ZDHHC21: variants seen among roughly 807,000 people sequenced by gnomAD.
ZDHHC21 encodes the protein palmitoyltransferase ZDHHC21.
In ZDHHC21, 15 loss-of-function variants were observed where a neutral mutation model predicts 34.6. The ratio of observed to expected loss-of-function variants is 0.43; its 90% CI spans 0.29 to 0.67. The LOEUF is 0.67. Among genes scored for constraint, ZDHHC21 ranks in the 30% least tolerant of loss-of-function variants. ZDHHC21 has a pLI of 0.14. For missense variants in ZDHHC21, 344 were observed against 327.7 expected, an observed-to-expected ratio of 1.05 and a Z score of -0.38; for synonymous variants, 142 against 101.8, an observed-to-expected ratio of 1.40 and a Z score of -2.38.
At chr9:14,607,788 A>C (rs1284766276), downstream of ZDHHC21, among the ~76,000 whole-genome samples, 1 of 152,068 alleles carries the variant, frequency 6.6e-6, no homozygotes, top group Non-Finnish European at 1.5e-5. Context: ...GAAAAAGAAG[A>C]CTCTACAGGG....
rs1249832071 is a variant in ZDHHC21, at chr9:14,680,033, C to T, written c.-46G>A. On this transcript the variant is annotated splice_region_variant and 5_prime_UTR_variant, in exon 3 of 10. Transcript: ENST00000380916. ...CATGTAAAATCAAAAGCAAACTTACCACTTGCAAATTCACTGAGATGTGCT... is the reference window on the plus strand; with the variant it reads ...CATGTAAAATCAAAAGCAAACTTACTACTTGCAAATTCACTGAGATGTGCT... 6.6e-6 allele frequency: 1 copy of T among 152,410 alleles called. No homozygotes were observed. The highest frequency in any genetic ancestry group is 1.5e-5 in the Non-Finnish European group (1 of 67,950). 9.4% of individuals were successfully genotyped at this position (152,410 alleles called of 1,614,324 possible).
chr9:14,662,397 TA>T, intron 5 of ZDHHC21, 71 bp from the exon 6 acceptor site: 1 of 1,161,854 alleles, frequency 8.6e-7, no homozygotes, highest in Non-Finnish European at 1.2e-6. Flanking sequence ...AACAGTTGTT[TA>T]GAAGATTTTA....
rs1470235525 is a variant in ZDHHC21, at chr9:14,674,317, A to C, written c.24T>G (p.Val8=). 1 of 1,595,924 alleles carries C rather than the reference A, an allele frequency of 6.3e-7. No individual in the cohort carries two copies. The part of the protein sequence containing the change: MGLRIHF[V]VDPHGWCCMG... The stretch of plus-strand genomic sequence containing the variant: ...TGCAGCACCAACCATGTGGGTCAAC[A>C]ACAAAGTGAATCCGGAGACCCATTT... The change falls in exon 4 of 10, where the codon GTT becomes GTG. Residue 8 remains valine, a synonymous_variant. Transcript: ENST00000380916.
At position 14,615,275 on chromosome 9, in the gene ZDHHC21, G is replaced by A. The variant is rs890734141; in HGVS notation, c.*3691C>T. The A allele has an allele frequency of 6.6e-6, 1 of 151,650 alleles. No homozygotes were observed. Among genetic ancestry groups the A allele is most frequent in the Admixed American group, 6.6e-5 (1 of 15,196 alleles). 9.4% of individuals were successfully genotyped at this position (151,650 alleles called of 1,614,324 possible). On this transcript the variant is annotated 3_prime_UTR_variant, in exon 10 of 10. Transcript: ENST00000380916. ...ACCCACTAGTTACTTGTATGGGAGT[G>A]ACTTGAATGTGTAACAAAGAATAGT...
At chr9:14,640,376 C>T (rs1483512863) in intron 7 of ZDHHC21, among the ~76,000 whole-genome samples, 2 of 148,798 alleles carry the variant, frequency 1.3e-5, no homozygotes, top group Non-Finnish European at 3.0e-5. Flanking sequence ...GATGGTTGTA[C>T]AATCTTTGGT....
At chr9:14,623,398 A>G (rs779840073) in intron 8 of ZDHHC21, among the ~76,000 whole-genome samples, 6 of 151,918 alleles carry the variant, frequency 3.9e-5, no homozygotes, top group Non-Finnish European at 8.8e-5. Flanking sequence ...GCATGGTGGC[A>G]TGTGCCTGTA....
chr9:14,607,171 G>A (rs1823039158), downstream of ZDHHC21, among the ~76,000 whole-genome samples: 1 of 151,298 alleles, frequency 6.6e-6, no homozygotes, highest in Admixed American at 6.6e-5. Flanking sequence ...AGAAGAGGGT[G>A]GGCATGGTGG....
At chr9:14,645,149 G>A (rs1025053784) in intron 7 of ZDHHC21, among the ~76,000 whole-genome samples, 4 of 151,924 alleles carry the variant, frequency 2.6e-5, no homozygotes, top group African/African-American at 4.8e-5. Context: ...ATTTCCATAG[G>A]AGGAAAATGG....
At chr9:14,656,373 T>C (rs1024480199) in intron 7 of ZDHHC21, among the ~76,000 whole-genome samples, 2 of 151,944 alleles carry the variant, frequency 1.3e-5, no homozygotes, top group African/African-American at 4.8e-5. Flanking sequence ...TTTCTTACAA[T>C]GGGAAATACT....
rs928931800 is a variant in ZDHHC21, at chr9:14,614,965, T to C, written c.*4001A>G. The C allele has an allele frequency of 2.0e-5, 3 of 151,720 alleles. No homozygotes were observed. In the Admixed American group the frequency reaches 2.0e-4, roughly 10 times the overall value. The allele number at this position is 151,720 out of a possible 1,614,324, so 9.4% of individuals were successfully genotyped here. On this transcript the variant is annotated 3_prime_UTR_variant, in exon 10 of 10. Coordinates refer to ENST00000380916, the MANE Select transcript of ZDHHC21 (RefSeq NM_178566.6). ...CTTGGTAAACTTGAGCTAAGTAATC[T>C]ATTGATACAGGAAGCGCAAGAGAAG...
intron 5 of ZDHHC21, among the ~76,000 whole-genome samples, chr9:14,664,770 G>C (rs889855733): frequency 3.7e-4 from 56 of 151,886 alleles, no homozygotes; most frequent in South Asian, 6.3e-4. Flanking sequence ...TATTCCAACA[G>C]ACCTGCAGCT....
rs1159744465 is a variant in ZDHHC21 at position 14,688,072 on chromosome 9, AT to A, written c.-176+2264del. ...GCTCTCATTGCCAATTAGGAATTCA[AT>A]TTTTTAAATATCACATAGATATTCA... On this transcript the variant is annotated intron_variant, in intron 2 of 9. Transcript: ENST00000380916. Among the ~76,000 whole-genome samples, 15 of 150,512 alleles carry A rather than the reference AT, an allele frequency of 1.0e-4. 2 individuals are homozygous for A. The highest frequency in any genetic ancestry group is 3.3e-4 in the African/African-American group (13 of 39,864).
rs894082023 is a variant in ZDHHC21 at position 14,618,664 on chromosome 9, AAATT to A, written c.*298_*301del. 1.8e-5 allele frequency: 4 copies of A among 223,646 alleles called. No homozygotes were observed. Among genetic ancestry groups the A allele is most frequent in the Non-Finnish European group, 3.5e-5 (4 of 115,628 alleles). 13.9% of individuals were successfully genotyped at this position (223,646 alleles called of 1,614,324 possible). Reference sequence around the variant, plus strand: ...TCTGTAACACTGTCAGTACTAAAATAAATTATGTACAATTATTTCATCCTAATCA... The same window carrying A: ...TCTGTAACACTGTCAGTACTAAAATAATGTACAATTATTTCATCCTAATCA... On this transcript the variant is annotated 3_prime_UTR_variant, in exon 10 of 10. Transcript: ENST00000380916.
chr9:14,673,746 T>C (rs12338477), intron 4 of ZDHHC21, among the ~76,000 whole-genome samples: 1,593 of 152,138 alleles, frequency 0.01, 33 homozygotes, highest in African/African-American at 0.036. Context: ...CCATCACCAA[T>C]TGACTAATAA....
intron 2 of ZDHHC21, among the ~76,000 whole-genome samples, chr9:14,685,720 T>A (rs1048535963): frequency 6.6e-6 from 1 of 152,158 alleles, no homozygotes; most frequent in African/African-American, 2.4e-5. Context: ...ACCCAAAGGA[T>A]TACAAATCAT....
At chr9:14,605,151 A>G in the ZDHHC21 span, among the ~76,000 whole-genome samples, 1 of 151,980 alleles carries the variant, frequency 6.6e-6, no homozygotes, top group Admixed American at 6.6e-5. Context: ...GCTATTATGA[A>G]TACTGCATTA....
At chr9:14,646,866 C>T (rs1368735635) in intron 7 of ZDHHC21, among the ~76,000 whole-genome samples, 1 of 151,990 alleles carries the variant, frequency 6.6e-6, no homozygotes, top group African/African-American at 2.4e-5. Context: ...TGTTTTGTCT[C>T]TCTTAGCAGT....
chr9:14,691,205 A>G (rs1043296116), intron 1 of ZDHHC21, among the ~76,000 whole-genome samples: 3 of 152,132 alleles, frequency 2.0e-5, no homozygotes, highest in Non-Finnish European at 4.4e-5. Flanking sequence ...CTAAACCACT[A>G]TATAATAAGA....
rs991804057 is a variant in ZDHHC21, at chr9:14,633,314, G to A, written c.621+6582C>T. Among the ~76,000 whole-genome samples the A allele has an allele frequency of 2.0e-5, 3 of 152,282 alleles. No homozygotes were observed. The East Asian group carries it at 5.8e-4, about 29-fold the overall frequency. On this transcript the variant is annotated intron_variant, in intron 8 of 9. Coordinates refer to ENST00000380916, the MANE Select transcript of ZDHHC21 (RefSeq NM_178566.6). ...GTTAGTCAAAATTGGCTGGGGACAT[G>A]GAGAGGCTCCCCAGTGCAGGAAAAG...
Sources: gnomAD v4.1 joint callset for allele counts (sites outside exome capture counted in the v4.1 genomes callset) on GRCh38, gnomAD v4.1.1 for gene constraint, MANE v1.5 for transcripts, NCBI Gene and HGNC (gene_info 2026-07-23, HGNC 2026-07-21) for gene names.